POU3F3: variants seen among roughly 807,000 people sequenced by gnomAD.
POU3F3 encodes the protein POU class 3 homeobox 3.
Under a neutral mutation model 8.6 loss-of-function variants are expected in POU3F3, and 1 was observed. The observed-to-expected ratio is 0.12, with a 90% CI of 0.04 to 0.55. The LOEUF (loss-of-function observed/expected upper bound fraction) is 0.55, where lower values mean the gene tolerates loss of function less well. Ranked by LOEUF, POU3F3 falls within the 20% of genes least tolerant of loss-of-function variation. The probability of loss-of-function intolerance (pLI) is 0.91; values close to 1 mark genes in which losing one functional copy is unlikely to be tolerated. For missense variants in POU3F3, 577 were observed against 690.7 expected (o/e 0.84, Z 1.84); for synonymous variants, 418 against 327.4 (o/e 1.28, Z -2.99).
the POU3F3 span, among the ~76,000 whole-genome samples, chr2:104,905,444 A>G: frequency 6.6e-6 from 1 of 152,214 alleles, no homozygotes; most frequent in Non-Finnish European, 1.5e-5. Context: ...ATGTATTAAT[A>G]TGTAACTGAA....
At chr2:104,898,461 A>C in the POU3F3 span, among the ~76,000 whole-genome samples, 2 of 152,222 alleles carry the variant, frequency 1.3e-5, no homozygotes, top group African/African-American at 4.8e-5. Flanking sequence ...CAATTATGCT[A>C]TCAAGCTTAA....
At position 104,855,712 on chromosome 2, in the gene POU3F3, T is replaced by G. The variant is rs1676546511; in HGVS notation, c.202T>G (p.Ser68Ala). The change falls in exon 1 of 1, where the codon TCC becomes GCC. Residue 68 changes from serine (S) to alanine (A), a missense_variant. Around this residue, in one of 7 missense-constraint regions of POU3F3, gnomAD observed 484 missense variants for 422.6 expected, o/e 1.15. Coordinates refer to ENST00000361360, the MANE Select transcript of POU3F3 (RefSeq NM_006236.3). ...CTCGGGCGCCTACCGGGGGGACCCG[T>G]CCTCTGTCAAGATGGTCCAGAGCGA... The part of the protein sequence containing the change: ...VTSGAYRGDP[S>A]SVKMVQSDFM... 1.6e-6 allele frequency: 2 copies of G among 1,243,944 alleles called. No homozygotes were observed. The highest frequency in any genetic ancestry group is 2.1e-6 in the Non-Finnish European group (2 of 970,226). 77.1% of individuals were successfully genotyped at this position (1,243,944 alleles called of 1,614,324 possible). A position where few individuals can be genotyped will look rare whatever the true frequency, so the allele number is the denominator to read the frequency against.
downstream of POU3F3, chr2:104,858,634 T>A (rs1676620443): frequency 6.6e-6 from 1 of 152,362 alleles, no homozygotes; most frequent in South Asian, 2.1e-4. Context: ...AAGAAATATT[T>A]TTTTACTAAT....
At chr2:104,890,083 G>T in the POU3F3 span, among the ~76,000 whole-genome samples, 1 of 152,056 alleles carries the variant, frequency 6.6e-6, no homozygotes, top group Non-Finnish European at 1.5e-5. Context: ...TGACCGTCAC[G>T]GGACTCTCAG....
At chr2:104,900,827 G>A in the POU3F3 span, among the ~76,000 whole-genome samples, 3 of 152,148 alleles carry the variant, frequency 2.0e-5, no homozygotes, top group Non-Finnish European at 2.9e-5. Context: ...GCACACCCTC[G>A]GCTCACTACC....
At chr2:104,888,704 C>T in the POU3F3 span, among the ~76,000 whole-genome samples, 3 of 152,086 alleles carry the variant, frequency 2.0e-5, no homozygotes, top group Non-Finnish European at 4.4e-5. Context: ...CCTACCCCAC[C>T]CATCCACCCA....
the POU3F3 span, among the ~76,000 whole-genome samples, chr2:104,902,592 C>G: frequency 6.6e-6 from 1 of 152,298 alleles, no homozygotes; most frequent in East Asian, 1.9e-4. Context: ...CCCTTTCCTG[C>G]TGTACCGATA....
At chr2:104,910,068 A>G in the POU3F3 span, among the ~76,000 whole-genome samples, 1 of 152,236 alleles carries the variant, frequency 6.6e-6, no homozygotes, top group Admixed American at 6.5e-5. Flanking sequence ...TTGTTATTGT[A>G]TAGATGGTCT....
chr2:104,916,033 C>A, the POU3F3 span, among the ~76,000 whole-genome samples: 2 of 59,610 alleles, frequency 3.4e-5, no homozygotes, highest in Admixed American at 3.4e-4. Context: ...AAAATAAAAC[C>A]ATCGGTGCCC....
At chr2:104,910,448 A>T in the POU3F3 span, among the ~76,000 whole-genome samples, 3 of 152,268 alleles carry the variant, frequency 2.0e-5, no homozygotes, top group Middle Eastern at 6.8e-3. Context: ...CATTCTCCTT[A>T]TTCCACCGAC....
the POU3F3 span, chr2:104,872,482 C>A: frequency 7.6e-6 from 3 of 392,872 alleles, no homozygotes; most frequent in Admixed American, 8.1e-5. This position sits in a 1 kb window ranked among gnomAD's most constrained non-coding sequence, Gnocchi z 4.6. Context: ...CCCGTTCGCC[C>A]CGAGCCTCCC....
chr2:104,910,559 T>C, the POU3F3 span, among the ~76,000 whole-genome samples: 169 of 152,282 alleles, frequency 1.1e-3, 2 homozygotes, highest in African/African-American at 3.8e-3. Flanking sequence ...TGAGGGTTAA[T>C]TGAGAGATGA....
chr2:104,922,638 C>A, the POU3F3 span, among the ~76,000 whole-genome samples: 4 of 152,234 alleles, frequency 2.6e-5, no homozygotes, highest in East Asian at 7.7e-4. Flanking sequence ...GAAAAGTAAA[C>A]ACAGCCTCAG....
In POU3F3 at chr2:104,857,087, T is replaced by TGCCGCCGCCGCCGCCGCCCCTGCC. The variant is rs1676581730; in HGVS notation, c.*92_*93insCCTGCCGCCGCCGCCGCCGCCGCC. 1.0e-6 allele frequency: 1 copy of TGCCGCCGCCGCCGCCGCCCCTGCC among 991,204 alleles called. No homozygotes were observed. The highest frequency in any genetic ancestry group is 1.8e-5 in the African/African-American group (1 of 55,862). The allele number at this position is 991,204 out of a possible 1,614,324, so 61.4% of individuals were successfully genotyped here. On this transcript the variant is annotated 3_prime_UTR_variant, in exon 1 of 1. Coordinates refer to ENST00000361360, the MANE Select transcript of POU3F3 (RefSeq NM_006236.3). ...CCGCCGTCAGCACCGCCGCCGCCCC[T>TGCCGCCGCCGCCGCCGCCCCTGCC]GCCGCCGCCGCCGCCGCCGCCGCCG... is the stretch of plus-strand genomic sequence containing the variant.
At chr2:104,873,339 G>C in the POU3F3 span, among the ~76,000 whole-genome samples, 45 of 152,252 alleles carry the variant, frequency 3.0e-4, no homozygotes, top group African/African-American at 1.0e-3. Context: ...GCTTCTCTCC[G>C]GGAGAGTGGC....
chr2:104,855,470 CGGCGGT>C lies in POU3F3; in HGVS notation c.-38_-33del. On this transcript the variant is annotated 5_prime_UTR_variant, in exon 1 of 1. Coordinates refer to ENST00000361360, the MANE Select transcript of POU3F3 (RefSeq NM_006236.3). ...GCCGCGGCTGCTGCTGCGGCGGCGG[CGGCGGT>C]GGTGGCGGCGGTGGGGTGGCGGGAG... 1.1e-6 allele frequency: 1 copy of C among 907,958 alleles called. No homozygotes were observed. Among genetic ancestry groups the C allele is most frequent in the Non-Finnish European group, 1.3e-6 (1 of 775,702 alleles). The allele number at this position is 907,958 out of a possible 1,614,324, so 56.2% of individuals were successfully genotyped here. A position where few individuals can be genotyped will look rare whatever the true frequency, so the allele number is the denominator to read the frequency against.
At chr2:104,877,050 A>ACACACACACG in the POU3F3 span, among the ~76,000 whole-genome samples, 1 of 86,108 alleles carries the variant, frequency 1.2e-5, no homozygotes, top group African/African-American at 4.5e-5. Context: ...ACTGTGGTAT[A>ACACACACACG]CACACACACA....
chr2:104,920,217 G>T, the POU3F3 span, among the ~76,000 whole-genome samples: 2 of 152,216 alleles, frequency 1.3e-5, no homozygotes, highest in African/African-American at 4.8e-5. Context: ...GTCTCACCAT[G>T]TTGGCCAGAC....
chr2:104,868,844 C>T, the POU3F3 span, among the ~76,000 whole-genome samples: 2 of 152,272 alleles, frequency 1.3e-5, no homozygotes, highest in Non-Finnish European at 2.9e-5. Flanking sequence ...CTTGTCAACT[C>T]TTCTAGTCAG....
Sources: gnomAD v4.1 joint callset for allele counts (sites outside exome capture counted in the v4.1 genomes callset) on GRCh38, gnomAD v4.1.1 for gene constraint, gnomAD v4.1.1 regional missense constraint, Gnocchi (gnomAD v3.1) non-coding constraint, MANE v1.5 for transcripts, NCBI Gene and HGNC (gene_info 2026-07-23, HGNC 2026-07-21) for gene names.